TAGLN: variants seen among roughly 807,000 people sequenced by gnomAD.
TAGLN encodes the protein 22 kDa actin-binding protein.
Under a neutral mutation model 21.9 loss-of-function variants are expected in TAGLN, and 16 were observed. The observed-to-expected ratio is 0.73, with a 90% CI of 0.49 to 1.11. The LOEUF is 1.11. TAGLN is among the 50% of genes least tolerant of loss of function. The pLI is 0.00. For missense variants in TAGLN, 248 were observed against 263.2 expected (o/e 0.94, Z 0.40); for synonymous variants, 96 against 94.9 (o/e 1.01, Z -0.06).
At position 117,203,906 on chromosome 11, in the gene TAGLN, T is replaced by C; in HGVS notation, c.461+22T>C. ...TGAAGTATGTGGCCCCCAGGGAGCT[T>C]GGGTCTCCGCATGGGGTGGGAGGTG... On this transcript the variant is annotated intron_variant, in intron 4 of 4. Coordinates refer to ENST00000392951, the MANE Select transcript of TAGLN (RefSeq NM_003186.5). This position sits in a 1 kb window ranked among gnomAD's most constrained non-coding sequence, Gnocchi z 4.4. 6.3e-7 allele frequency: 1 copy of C among 1,598,380 alleles called. No homozygotes were observed. Among genetic ancestry groups the C allele is most frequent in the Non-Finnish European group, 8.6e-7 (1 of 1,165,950 alleles).
At position 117,205,491 on chromosome 11, in the gene TAGLN, G is replaced by T; in HGVS notation, c.*1132G>T. 1 of 234,318 alleles carries T rather than the reference G, an allele frequency of 4.3e-6. No homozygotes were observed. Among genetic ancestry groups the T allele is most frequent in the East Asian group, 6.0e-5 (1 of 16,606 alleles). 14.5% of individuals were successfully genotyped at this position (234,318 alleles called of 1,614,324 possible). A position where few individuals can be genotyped will look rare whatever the true frequency, so the allele number is the denominator to read the frequency against. On this transcript the variant is annotated 3_prime_UTR_variant, in exon 5 of 5. Transcript: ENST00000392951. ...TGAAGGAGCCAGGGGTTCATTCATG[G>T]TTGGTTTCTGATCAGGCATCTTGGG...
At position 117,206,009 on chromosome 11, in the gene TAGLN, C is replaced by T. The variant is rs748616729; in HGVS notation, c.*1650C>T. Reference sequence around the variant, plus strand: ...TCAGGCCCTGAGGTCAGCAGATCTGCTCCTCCTTCCCGTGCGGTACGTCTA... The same window carrying T: ...TCAGGCCCTGAGGTCAGCAGATCTGTTCCTCCTTCCCGTGCGGTACGTCTA... On this transcript the variant is annotated 3_prime_UTR_variant, in exon 5 of 5. Coordinates refer to ENST00000392951, the MANE Select transcript of TAGLN (RefSeq NM_003186.5). 8.9e-5 allele frequency: 106 copies of T among 1,190,594 alleles called. No homozygotes were observed. In the African/African-American group the frequency reaches 1.4e-3, roughly 16 times the overall value. The allele number at this position is 1,190,594 out of a possible 1,614,324, so 73.8% of individuals were successfully genotyped here. A position where few individuals can be genotyped will look rare whatever the true frequency, so the allele number is the denominator to read the frequency against.
At position 117,203,613 on chromosome 11, in the gene TAGLN, G is replaced by A. The variant is rs1325981826; in HGVS notation, c.358+129G>A. On this transcript the variant is annotated intron_variant, in intron 3 of 4. Coordinates refer to ENST00000392951, the MANE Select transcript of TAGLN (RefSeq NM_003186.5). The surrounding 1 kb of genome is among the most constrained non-coding windows in gnomAD (Gnocchi z 4.4). ...GCACACAGCAGGGATGGGATATGCCGAGAATAACACGCCACGCTCACAGGG... is the reference window on the plus strand; with the variant it reads ...GCACACAGCAGGGATGGGATATGCCAAGAATAACACGCCACGCTCACAGGG... The A allele has an allele frequency of 7.0e-6, 9 of 1,277,756 alleles. No homozygotes were observed. Among genetic ancestry groups the A allele is most frequent in the African/African-American group, 5.9e-5 (4 of 67,914 alleles). 79.2% of individuals were successfully genotyped at this position (1,277,756 alleles called of 1,614,324 possible). A position where few individuals can be genotyped will look rare whatever the true frequency, so the allele number is the denominator to read the frequency against.
chr11:117,200,866 A>G (rs546959262), intron 1 of TAGLN, among the ~76,000 whole-genome samples: 8 of 152,208 alleles, frequency 5.3e-5, no homozygotes, highest in African/African-American at 1.9e-4. Context: ...GCAGGGGTGC[A>G]GAAGGGGAAG....
At position 117,203,742 on chromosome 11, in the gene TAGLN, C is replaced by G. The variant is rs774954222; in HGVS notation, c.359-40C>G. ...GCCCTGGCTTGGAGTCTTGTTTATA[C>G]GTTCTTGATGTTCATCTCCTCTCTC... On this transcript the variant is annotated intron_variant, in intron 3 of 4. Transcript: ENST00000392951. This position sits in a 1 kb window ranked among gnomAD's most constrained non-coding sequence, Gnocchi z 4.4. 1.9e-6 allele frequency: 3 copies of G among 1,586,808 alleles called. No homozygotes were observed. The highest frequency in any genetic ancestry group is 2.6e-6 in the Non-Finnish European group (3 of 1,156,700).
At position 117,204,353 on chromosome 11, in the gene TAGLN, C is replaced by T. The variant is rs1591781414; in HGVS notation, c.600C>T (p.Ile200=). The T allele has an allele frequency of 2.5e-5, 40 of 1,614,242 alleles. No individual in the cohort carries two copies. The highest frequency in any genetic ancestry group is 3.4e-5 in the Non-Finnish European group (40 of 1,180,044). Residue 200 remains isoleucine, a synonymous_variant, in exon 5 of 5, where the codon ATC becomes ATT. Transcript: ENST00000392951. ...MTGYGRPRQI[I]S ...GCTACGGACGACCTCGGCAGATCAT[C>T]AGTTAGAGCGGAGAGGGCTAGCCCT...
At position 117,206,176 on chromosome 11, in the gene TAGLN, T is replaced by A; in HGVS notation, c.*1817T>A. On this transcript the variant is annotated 3_prime_UTR_variant, in exon 5 of 5. Transcript: ENST00000392951. ...TCCACTTCGTCTGGATCCTTGCTGC[T>A]GCAAAGTGGCACTGATTCTAGCTCT... The A allele has an allele frequency of 6.2e-7, 1 of 1,613,860 alleles. No individual in the cohort carries two copies. Among genetic ancestry groups the A allele is most frequent in the Non-Finnish European group, 8.5e-7 (1 of 1,179,844 alleles).
Position 117,206,391 on chromosome 11 carries a change from T to C in TAGLN, c.*2032T>C, listed in dbSNP as rs372707767. ...AGGCAAGCACCTACGTGAGGCACTG[T>C]TTCCCGAAGCCTACAGCCTTTCTCA... On this transcript the variant is annotated 3_prime_UTR_variant, in exon 5 of 5. Transcript: ENST00000392951. 12 of 1,580,838 alleles carry C rather than the reference T, an allele frequency of 7.6e-6. No individual in the cohort carries two copies. Among genetic ancestry groups the C allele is most frequent in the Middle Eastern group, 1.8e-4 (1 of 5,680 alleles).
In TAGLN at chr11:117,199,446, C is replaced by T. The variant is rs1469611698; in HGVS notation, c.-13+14C>T. On this transcript the variant is annotated intron_variant, in intron 1 of 4. Coordinates refer to ENST00000392951, the MANE Select transcript of TAGLN (RefSeq NM_003186.5). Reference sequence around the variant, plus strand: ...TGAGGAAGCCTTGTGAGTGCATTGGCTGGGGCTTGGAGGGAAGTTGGGCTG... The same window carrying T: ...TGAGGAAGCCTTGTGAGTGCATTGGTTGGGGCTTGGAGGGAAGTTGGGCTG... The T allele has an allele frequency of 6.6e-6, 1 of 152,340 alleles. No homozygotes were observed. The highest frequency in any genetic ancestry group is 6.5e-5 in the Admixed American group (1 of 15,294). 9.4% of individuals were successfully genotyped at this position (152,340 alleles called of 1,614,324 possible). A position where few individuals can be genotyped will look rare whatever the true frequency, so the allele number is the denominator to read the frequency against.
rs1565295500 is a variant in TAGLN at position 117,203,799 on chromosome 11, G to C, written c.376G>C (p.Val126Leu). The C allele has an allele frequency of 6.2e-7, 1 of 1,613,926 alleles. No individual in the cohort carries two copies. Among genetic ancestry groups the C allele is most frequent in the East Asian group, 2.2e-5 (1 of 44,882 alleles). Residue 126 changes from valine (V) to leucine (L), a missense_variant, in exon 4 of 5, where the codon GTG becomes CTG. By Grantham distance (32) the Val-to-Leu change is conservative (BLOSUM62 1). Transcript: ENST00000392951. This position sits in a 1 kb window ranked among gnomAD's most constrained non-coding sequence, Gnocchi z 4.4. ...DLFEGKDMAA[V>L]QRTLMALGSL... ...TCTCACAGGCAAAGACATGGCAGCA[G>C]TGCAGAGGACCCTGATGGCTTTGGG... is the stretch of plus-strand genomic sequence containing the variant.
At position 117,203,926 on chromosome 11, in the gene TAGLN, G is replaced by A. The variant is rs1187594954; in HGVS notation, c.461+42G>A. The A allele has an allele frequency of 1.9e-6, 3 of 1,542,940 alleles. No individual in the cohort carries two copies. The highest frequency in any genetic ancestry group is 2.7e-6 in the Non-Finnish European group (3 of 1,115,660). On this transcript the variant is annotated intron_variant, in intron 4 of 4. Coordinates refer to ENST00000392951, the MANE Select transcript of TAGLN (RefSeq NM_003186.5). The surrounding 1 kb of genome is among the most constrained non-coding windows in gnomAD (Gnocchi z 4.4). ...GAGCTTGGGTCTCCGCATGGGGTGG[G>A]AGGTGGCTTGTTCTAAGGAGCTTGC...
chr11:117,199,947 T>TTCCA (rs963987243), intron 1 of TAGLN: 18 of 152,284 alleles, frequency 1.2e-4, no homozygotes, highest in African/African-American at 3.4e-4. Context: ...AACTCTTGTA[T>TTCCA]TCCAGTCAGG....
Position 117,204,782 on chromosome 11 carries a change from A to G in TAGLN, c.*423A>G, listed in dbSNP as rs2031272294. ...ACTCAAAAAAAAAAAAAAAAAATCAATCTTTTCTCAGGCCTGGCTGGCAGA... is the reference window on the plus strand; with the variant it reads ...ACTCAAAAAAAAAAAAAAAAAATCAGTCTTTTCTCAGGCCTGGCTGGCAGA... On this transcript the variant is annotated 3_prime_UTR_variant, in exon 5 of 5. Coordinates refer to ENST00000392951, the MANE Select transcript of TAGLN (RefSeq NM_003186.5). 1 of 304,440 alleles carries G rather than the reference A, an allele frequency of 3.3e-6. No homozygotes were observed. The highest frequency in any genetic ancestry group is 4.3e-5 in the Admixed American group (1 of 23,206). 18.9% of individuals were successfully genotyped at this position (304,440 alleles called of 1,614,324 possible).
chr11:117,203,783 CA>C lies in TAGLN; in HGVS notation c.363del (p.Asp122ThrfsTer9), dbSNP rs2031209072. ...CTCCTCTCTCCTGTCTTCTCACAGG[CA>C]AAGACATGGCAGCAGTGCAGAGGAC... ...MFQTVDLFEGKDMAAVQRTLM... is the reference protein window; with the variant it reads ...MFQTVDLFEGXDMAAVQRTLM... On this transcript the variant is annotated frameshift_variant and splice_region_variant, in exon 4 of 5. Transcript: ENST00000392951. LOFTEE classifies it high-confidence loss of function. The surrounding 1 kb of genome is among the most constrained non-coding windows in gnomAD (Gnocchi z 4.4). 6.2e-7 allele frequency: 1 copy of C among 1,613,296 alleles called. No homozygotes were observed. Among genetic ancestry groups the C allele is most frequent in the Non-Finnish European group, 8.5e-7 (1 of 1,179,436 alleles).
At chr11:117,204,141 T>TAAC in intron 4 of TAGLN, 74 bp from the exon 5 acceptor site, 1 of 1,601,428 alleles carries the variant, frequency 6.2e-7, no homozygotes, top group African/African-American at 1.3e-5. Context: ...GGCTAGGACG[T>TAAC]AACAGAGGGA....
chr11:117,203,767 C>T lies in TAGLN; in HGVS notation c.359-15C>T, dbSNP rs763532557. On this transcript the variant is annotated splice_polypyrimidine_tract_variant and intron_variant, in intron 3 of 4. Coordinates refer to ENST00000392951, the MANE Select transcript of TAGLN (RefSeq NM_003186.5). The surrounding 1 kb of genome is among the most constrained non-coding windows in gnomAD (Gnocchi z 4.4). Reference sequence around the variant, plus strand: ...CGTTCTTGATGTTCATCTCCTCTCTCCTGTCTTCTCACAGGCAAAGACATG... The same window carrying T: ...CGTTCTTGATGTTCATCTCCTCTCTTCTGTCTTCTCACAGGCAAAGACATG... 1 of 1,611,586 alleles carries T rather than the reference C, an allele frequency of 6.2e-7. No individual in the cohort carries two copies. The highest frequency in any genetic ancestry group is 8.5e-7 in the Non-Finnish European group (1 of 1,177,918).
rs1187994162 is a variant in TAGLN at position 117,203,307 on chromosome 11, A to G, written c.181A>G (p.Ile61Val). The G allele has an allele frequency of 6.2e-7, 1 of 1,614,106 alleles. No individual in the cohort carries two copies. The highest frequency in any genetic ancestry group is 2.2e-5 in the East Asian group (1 of 44,876). The change falls in exon 3 of 5, where the codon ATT (isoleucine) becomes GTT (valine). Residue 61 changes from isoleucine to valine, a missense_variant and splice_region_variant. Ile to Val is a conservative substitution (Grantham distance 29, BLOSUM62 3). Coordinates refer to ENST00000392951, the MANE Select transcript of TAGLN (RefSeq NM_003186.5). This position sits in a 1 kb window ranked among gnomAD's most constrained non-coding sequence, Gnocchi z 4.4. ...GFQVWLKNGV[I>V]LSKLVNSLYP... ...GCGTCCTATGCCCTATGCCTGGTAG[A>G]TTCTGAGCAAGCTGGTGAACAGCCT...
chr11:117,203,485 G>A lies in TAGLN; in HGVS notation c.358+1G>A. 1 of 1,613,158 alleles carries A rather than the reference G, an allele frequency of 6.2e-7. No individual in the cohort carries two copies. The highest frequency in any genetic ancestry group is 8.5e-7 in the Non-Finnish European group (1 of 1,179,164). On this transcript the variant is annotated splice_donor_variant, in intron 3 of 4. Coordinates refer to ENST00000392951, the MANE Select transcript of TAGLN (RefSeq NM_003186.5). LOFTEE classifies it high-confidence loss of function. This position sits in a 1 kb window ranked among gnomAD's most constrained non-coding sequence, Gnocchi z 4.4. ...TTCCAGACTGTTGACCTCTTTGAAG[G>A]TAGAGAGGAAGAGGCTGGGGGAGGA...
At position 117,200,880 on chromosome 11, in the gene TAGLN, G is replaced by C. The variant is rs114138060; in HGVS notation, c.-13+1448G>C. Among the ~76,000 whole-genome samples the C allele has an allele frequency of 6.1e-3, 926 of 152,264 alleles. 10 individuals are homozygous for C. Among genetic ancestry groups the C allele is most frequent in the African/African-American group, 0.021 (882 of 41,524 alleles). On this transcript the variant is annotated intron_variant, in intron 1 of 4. Transcript: ENST00000392951. The stretch of plus-strand genomic sequence containing the variant: ...AGCAGGGGTGCAGAAGGGGAAGGCA[G>C]ACATGAGGGCAGGTGGAGTGGGGGT...
Sources: gnomAD v4.1 joint callset for allele counts (sites outside exome capture counted in the v4.1 genomes callset) on GRCh38, gnomAD v4.1.1 for gene constraint, Gnocchi (gnomAD v3.1) non-coding constraint, MANE v1.5 for transcripts, NCBI Gene and HGNC (gene_info 2026-07-23, HGNC 2026-07-21) for gene names.